The following OR9Q1 variants were observed in gnomAD, a reference collection of about 807,000 sequenced individuals.
OR9Q1 encodes olfactory receptor 9Q1.
For missense variants in OR9Q1, 374 were observed against 378.8 expected, an observed-to-expected ratio of 0.99 and a Z score of 0.11; for synonymous variants, 153 against 148.6, an observed-to-expected ratio of 1.03 and a Z score of -0.22.
chr11:58,146,098 T>C (rs569143803), intron 2 of OR9Q1, among the ~76,000 whole-genome samples: 1 of 152,328 alleles, frequency 6.6e-6, no homozygotes, highest in South Asian at 2.1e-4. Flanking sequence ...TTGGAAACAA[T>C]TTGATCTTGA....
chr11:58,132,695 T>G (rs904862136), intron 2 of OR9Q1, among the ~76,000 whole-genome samples: 1 of 152,166 alleles, frequency 6.6e-6, no homozygotes, highest in Non-Finnish European at 1.5e-5. Context: ...CAGAGGTATC[T>G]CCCTCATCCC....
chr11:58,037,691 T>A (rs11229223), intron 1 of OR9Q1, among the ~76,000 whole-genome samples: 1,054 of 6,710 alleles, frequency 0.16, 4 homozygotes, highest in South Asian at 0.3. Context: ...ATATATATAT[T>A]TTTTTTTTTT....
At chr11:58,130,897 A>C (rs1449991689) in intron 2 of OR9Q1, among the ~76,000 whole-genome samples, 1 of 152,154 alleles carries the variant, frequency 6.6e-6, no homozygotes, top group African/African-American at 2.4e-5. Flanking sequence ...ATTAATGTCT[A>C]TAATAGGACA....
At chr11:58,177,350 G>A (rs1032924231) in intron 2 of OR9Q1, among the ~76,000 whole-genome samples, 1 of 152,140 alleles carries the variant, frequency 6.6e-6, no homozygotes, top group Non-Finnish European at 1.5e-5. Context: ...TCTAATGGCC[G>A]TTCCACCACT....
intron 2 of OR9Q1, among the ~76,000 whole-genome samples, chr11:58,106,924 G>A (rs1853845849): frequency 6.6e-6 from 1 of 152,000 alleles, no homozygotes; most frequent in African/African-American, 2.4e-5. Flanking sequence ...TGATGCCTCT[G>A]GCTTATTCTT....
intron 1 of OR9Q1, 150 bp downstream of exon 1, chr11:58,024,254 A>C (rs1415537624): frequency 1.3e-5 from 2 of 152,338 alleles, no homozygotes; most frequent in Non-Finnish European, 2.9e-5. Flanking sequence ...AAGAGGAATC[A>C]GAGAGCAGGT....
chr11:58,082,135 GA>G (rs1335259571), intron 2 of OR9Q1, among the ~76,000 whole-genome samples: 1 of 152,106 alleles, frequency 6.6e-6, no homozygotes, highest in Non-Finnish European at 1.5e-5. Flanking sequence ...AGGATGTGGA[GA>G]AATAGGAACA....
At chr11:58,139,514 A>G (rs1349010360) in intron 2 of OR9Q1, among the ~76,000 whole-genome samples, 2 of 151,334 alleles carry the variant, frequency 1.3e-5, no homozygotes, top group Non-Finnish European at 2.9e-5. Context: ...ATTCCCATCT[A>G]TGAGTGAGAA....
chr11:58,037,896 T>A (rs11229224), intron 1 of OR9Q1, among the ~76,000 whole-genome samples: 83,558 of 112,186 alleles, frequency 0.74, 28,099 homozygotes, highest in Middle Eastern at 0.83. Context: ...TTTTTTTTGT[T>A]TTTTTTTTTT....
intron 2 of OR9Q1, chr11:58,072,773 C>G: frequency 6.4e-6 from 1 of 155,332 alleles, no homozygotes. Flanking sequence ...TTTTTCTATC[C>G]CCTTTGATAT....
At position 58,129,261 on chromosome 11, in the gene OR9Q1, G is replaced by GTT. The variant is rs938122464; in HGVS notation, c.-14-50169_-14-50168insTT. Among the ~76,000 whole-genome samples, 14 of 148,370 alleles carry GTT rather than the reference G, an allele frequency of 9.4e-5. 1 individual carries two copies. Among genetic ancestry groups the GTT allele is most frequent in the Non-Finnish European group, 1.9e-4 (13 of 67,890 alleles). On this transcript the variant is annotated intron_variant, in intron 2 of 2. Coordinates refer to ENST00000335397, the MANE Select transcript of OR9Q1 (RefSeq NM_001005212.4). Reference sequence around the variant, plus strand: ...CGTGTGTGTGTGTGTGTGTGTGTGTGTGTGTGTGTGTGTAAGTAGAACACT... The same window carrying GTT: ...CGTGTGTGTGTGTGTGTGTGTGTGTGTTTGTGTGTGTGTGTAAGTAGAACACT...
In OR9Q1 at chr11:58,037,839, C is replaced by T. The variant is rs546450277; in HGVS notation, c.-93+13735C>T. On this transcript the variant is annotated intron_variant, in intron 1 of 2. Transcript: ENST00000335397. ...GTTCATGCCATTCTCCTGCCTCAGC[C>T]TCCCGAGTAGCTGGGACTACAGGTG... is the stretch of plus-strand genomic sequence containing the variant. 1.2e-3 allele frequency among the ~76,000 whole-genome samples: 181 copies of T among 144,934 alleles called. 3 individuals carry two copies. The highest frequency in any genetic ancestry group is 4.0e-3 in the African/African-American group (159 of 39,504).
chr11:58,057,497 C>T (rs899434469), intron 2 of OR9Q1, among the ~76,000 whole-genome samples: 13 of 152,150 alleles, frequency 8.5e-5, no homozygotes, highest in East Asian at 1.9e-4. Flanking sequence ...TCTCTGACTA[C>T]GAGGAAAACA....
At chr11:58,030,531 G>A in intron 1 of OR9Q1, among the ~76,000 whole-genome samples, 1 of 152,120 alleles carries the variant, frequency 6.6e-6, no homozygotes, top group East Asian at 1.9e-4. Context: ...ATGGTAAACT[G>A]TCTCTACTTG....
chr11:58,135,761 C>T (rs1297000268), intron 2 of OR9Q1, among the ~76,000 whole-genome samples: 1 of 152,158 alleles, frequency 6.6e-6, no homozygotes, highest in Non-Finnish European at 1.5e-5. Flanking sequence ...TTAAACCTGA[C>T]CTGGAGGTTC....
intron 1 of OR9Q1, among the ~76,000 whole-genome samples, chr11:58,034,719 T>C (rs915735092): frequency 7.7e-5 from 7 of 90,752 alleles, no homozygotes; most frequent in African/African-American, 2.9e-4. Context: ...ACACTGTCTG[T>C]CTTAAGGTTT....
At chr11:58,154,894 G>A (rs1378746438) in intron 2 of OR9Q1, among the ~76,000 whole-genome samples, 1 of 152,204 alleles carries the variant, frequency 6.6e-6, no homozygotes, top group East Asian at 1.9e-4. Context: ...ATCAGGGTGA[G>A]CTGTTAGGTG....
intron 2 of OR9Q1, among the ~76,000 whole-genome samples, chr11:58,148,145 C>G (rs539567559): frequency 6.6e-6 from 1 of 152,112 alleles, no homozygotes; most frequent in African/African-American, 2.4e-5. Context: ...AGAGCGACAC[C>G]AAAACTTTAA....
At chr11:58,174,460 C>T (rs1313880102) in intron 2 of OR9Q1, among the ~76,000 whole-genome samples, 1 of 151,968 alleles carries the variant, frequency 6.6e-6, no homozygotes, top group Non-Finnish European at 1.5e-5. Flanking sequence ...CTTATTACAA[C>T]ACAAGAGCTA....
Sources: gnomAD v4.1 joint callset for allele counts (sites outside exome capture counted in the v4.1 genomes callset) on GRCh38, gnomAD v4.1.1 for gene constraint, MANE v1.5 for transcripts, NCBI Gene and HGNC (gene_info 2026-07-23, HGNC 2026-07-21) for gene names.